Variants in ATP8B4 observed in about 807,000 individuals in gnomAD.
ATP8B4 encodes the protein ATPase phospholipid transporting 8B4 (putative).
A neutral mutation model predicts 145.6 loss-of-function variants in ATP8B4; 133 were observed. The observed-to-expected ratio is 0.91, with a 90% CI of 0.79 to 1.05. The LOEUF is 1.05. Ranked by LOEUF, ATP8B4 falls within the 50% of genes least tolerant of loss-of-function variation. The pLI, the probability that ATP8B4 is intolerant of heterozygous loss-of-function variation, is 0.00. For synonymous variants in ATP8B4, 507 were observed against 492.9 expected, an observed-to-expected ratio of 1.03 and a Z score of -0.38; for missense variants, 1,458 against 1,425.2, an observed-to-expected ratio of 1.02 and a Z score of -0.37.
intron 24 of ATP8B4, 116 bp downstream of exon 24, chr15:49,879,260 T>C: frequency 1.1e-6 from 1 of 930,692 alleles, no homozygotes; most frequent in Middle Eastern, 3.5e-4. Context: ...CAAAAGCAAC[T>C]AAAACAACTG....
chr15:49,905,435 T>C (rs1329306639), intron 20 of ATP8B4, among the ~76,000 whole-genome samples: 3 of 152,170 alleles, frequency 2.0e-5, no homozygotes, highest in Admixed American at 2.0e-4. Context: ...TAGATATAAG[T>C]AGCTGAGATT....
chr15:50,128,284 G>A (rs911258880), intron 1 of ATP8B4, among the ~76,000 whole-genome samples: 2 of 152,186 alleles, frequency 1.3e-5, no homozygotes, highest in African/African-American at 4.8e-5. Flanking sequence ...CAGAGAGTTG[G>A]AGTCACATGG....
At chr15:50,017,267 T>A (rs569208751) in intron 6 of ATP8B4, among the ~76,000 whole-genome samples, 1 of 152,330 alleles carries the variant, frequency 6.6e-6, no homozygotes, top group African/African-American at 2.4e-5. Context: ...ATTCTACAGA[T>A]AACCACCGAC....
chr15:50,166,946 T>C (rs1269594565), intron 1 of ATP8B4, among the ~76,000 whole-genome samples: 1 of 152,192 alleles, frequency 6.6e-6, no homozygotes, highest in East Asian at 1.9e-4. Flanking sequence ...CAACAGTAAG[T>C]GATCCGTTAA....
At chr15:50,090,475 C>G (rs1366120193) in intron 2 of ATP8B4, among the ~76,000 whole-genome samples, 2 of 152,058 alleles carry the variant, frequency 1.3e-5, no homozygotes, top group South Asian at 2.1e-4. Flanking sequence ...TTAGTGCCAC[C>G]CCTGTCAAAG....
chr15:49,897,165 T>C, intron 23 of ATP8B4, 127 bp downstream of exon 23: 1 of 843,042 alleles, frequency 1.2e-6, no homozygotes, highest in Non-Finnish European at 1.8e-6. Flanking sequence ...ATTGTAATAC[T>C]ATTACTTGAA....
chr15:50,095,467 A>T (rs999108377), intron 2 of ATP8B4, among the ~76,000 whole-genome samples: 2 of 152,204 alleles, frequency 1.3e-5, no homozygotes, highest in Non-Finnish European at 2.9e-5. Context: ...GTCAAAACAG[A>T]TAATGAGGTT....
In ATP8B4 at chr15:49,987,432, A is replaced by G; in HGVS notation, c.707T>C (p.Leu236Pro). 7 of 1,613,890 alleles carry G rather than the reference A, an allele frequency of 4.3e-6. No individual in the cohort carries two copies. The highest frequency in any genetic ancestry group is 5.9e-6 in the Non-Finnish European group (7 of 1,179,800). Residue 236 changes from leucine to proline, a missense_variant, in exon 10 of 28, where the codon CTG becomes CCG. By Grantham distance (98) the Leu-to-Pro change is moderately conservative (BLOSUM62 -3). Coordinates refer to ENST00000284509, the MANE Select transcript of ATP8B4 (RefSeq NM_024837.4). Reference protein sequence around the residue: ...NEKIILRGCILRNTSWCFGMV... With the variant: ...NEKIILRGCIPRNTSWCFGMV... ...TCCAAAACACCAGCTGGTATTTCTC[A>G]GGATGCAGCCTCTCAGGATTATCTT...
intron 19 of ATP8B4, among the ~76,000 whole-genome samples, 162 bp downstream of exon 19, chr15:49,918,677 G>C (rs2039975963): frequency 6.6e-6 from 1 of 152,192 alleles, no homozygotes; most frequent in Non-Finnish European, 1.5e-5. Context: ...TTTTAAAATA[G>C]ATTCTTGCAA....
intron 23 of ATP8B4, among the ~76,000 whole-genome samples, chr15:49,884,422 G>A (rs950012416): frequency 2.0e-5 from 3 of 152,024 alleles, no homozygotes; most frequent in East Asian, 3.9e-4. Context: ...GCAACATGGT[G>A]AAACTTGTCT....
chr15:50,093,090 T>C (rs2055717547), intron 2 of ATP8B4, among the ~76,000 whole-genome samples: 3 of 151,916 alleles, frequency 2.0e-5, no homozygotes, highest in Non-Finnish European at 4.4e-5. Context: ...CAATATAGAA[T>C]TCTCCACCCA....
rs1230517666 is a variant in ATP8B4, at chr15:49,962,043, T to A, written c.1244-23A>T. Reference sequence around the variant, plus strand: ...CACCTGACAAAACAAAAATTGAGAATTAAAAGTAAGTGAAACCGAAATTAG... The same window carrying A: ...CACCTGACAAAACAAAAATTGAGAAATAAAAGTAAGTGAAACCGAAATTAG... On this transcript the variant is annotated intron_variant, in intron 13 of 27. Coordinates refer to ENST00000284509, the MANE Select transcript of ATP8B4 (RefSeq NM_024837.4). 4 of 1,573,352 alleles carry A rather than the reference T, an allele frequency of 2.5e-6. No homozygotes were observed. The East Asian group carries it at 9.1e-5, about 36-fold the overall frequency.
intron 1 of ATP8B4, among the ~76,000 whole-genome samples, chr15:50,144,656 G>A (rs2044253477): frequency 6.6e-6 from 1 of 152,068 alleles, no homozygotes; most frequent in African/African-American, 2.4e-5. Context: ...TAGGGACACA[G>A]AGCCAAACTA....
At chr15:50,095,932 T>G (rs985844480) in intron 2 of ATP8B4, among the ~76,000 whole-genome samples, 1 of 152,224 alleles carries the variant, frequency 6.6e-6, no homozygotes, top group Non-Finnish European at 1.5e-5. Context: ...TTTCTTATTC[T>G]GTGCAATCTA....
chr15:50,102,930 T>C (rs541550962), intron 2 of ATP8B4, among the ~76,000 whole-genome samples: 69 of 152,264 alleles, frequency 4.5e-4, no homozygotes, highest in African/African-American at 1.6e-3. Context: ...GATGCAGGGA[T>C]GGTTTAACAT....
chr15:50,058,337 T>G (rs1038817592), intron 3 of ATP8B4, among the ~76,000 whole-genome samples: 1 of 152,180 alleles, frequency 6.6e-6, no homozygotes, highest in African/African-American at 2.4e-5. Context: ...AACTACAACT[T>G]TGGACAACTT....
intron 20 of ATP8B4, chr15:49,902,181 C>T (rs1260852111): frequency 2.0e-5 from 3 of 153,622 alleles, no homozygotes; most frequent in Non-Finnish European, 4.3e-5. Context: ...GAGAACTATC[C>T]AGCATGGGTC....
chr15:49,884,046 CTT>C (rs1296963023), intron 23 of ATP8B4, among the ~76,000 whole-genome samples: 3 of 152,140 alleles, frequency 2.0e-5, no homozygotes, highest in African/African-American at 7.2e-5. Flanking sequence ...TTCTCATTAA[CTT>C]GTTTTTGTTT....
intron 24 of ATP8B4, among the ~76,000 whole-genome samples, chr15:49,878,245 G>T (rs113141527): frequency 6.6e-6 from 1 of 152,154 alleles, no homozygotes; most frequent in African/African-American, 2.4e-5. Context: ...AAACATGGGC[G>T]CTGAGAAATG....
Sources: gnomAD v4.1 joint callset for allele counts (sites outside exome capture counted in the v4.1 genomes callset) on GRCh38, gnomAD v4.1.1 for gene constraint, MANE v1.5 for transcripts, NCBI Gene and HGNC (gene_info 2026-07-23, HGNC 2026-07-21) for gene names.